The following GALNTL6 variants were observed in gnomAD, a reference collection of about 807,000 sequenced individuals.
GALNTL6 encodes the protein polypeptide N-acetylgalactosaminyltransferase like 6.
Under a neutral mutation model 73.7 loss-of-function variants are expected in GALNTL6, and 46 were observed. The ratio of observed to expected loss-of-function variants is 0.62; its 90% CI spans 0.49 to 0.80. The LOEUF (loss-of-function observed/expected upper bound fraction) is 0.80. GALNTL6 is among the 30% of genes least tolerant of loss of function. The probability of loss-of-function intolerance (pLI) is 0.00; values close to 1 mark genes in which losing one functional copy is unlikely to be tolerated. For missense variants in GALNTL6, 604 were observed against 755.0 expected, an observed-to-expected ratio of 0.80 and a Z score of 2.34; for synonymous variants, 259 against 263.7, an observed-to-expected ratio of 0.98 and a Z score of 0.17.
At chr4:172,239,445 T>C (rs930060494) in intron 3 of GALNTL6, among the ~76,000 whole-genome samples, 1 of 152,200 alleles carries the variant, frequency 6.6e-6, no homozygotes, top group Admixed American at 6.5e-5. Context: ...TAATGTCAGC[T>C]TTGTCATTTC....
chr4:172,887,644 A>G (rs969695549), intron 8 of GALNTL6, among the ~76,000 whole-genome samples: 1 of 151,454 alleles, frequency 6.6e-6, no homozygotes, highest in Non-Finnish European at 1.5e-5. Context: ...GCTCACTGCA[A>G]TCTCCGCCTC....
chr4:173,017,763 G>T (rs1347425648), intron 11 of GALNTL6, among the ~76,000 whole-genome samples: 2 of 152,140 alleles, frequency 1.3e-5, no homozygotes, highest in African/African-American at 4.8e-5. Flanking sequence ...ACTACAATAC[G>T]CAGAAACAAG....
intron 5 of GALNTL6, among the ~76,000 whole-genome samples, chr4:172,652,801 C>T (rs2111155885): frequency 6.6e-6 from 1 of 152,290 alleles, no homozygotes; most frequent in Admixed American, 6.5e-5. Flanking sequence ...CAATACTTCT[C>T]AATTTGATTC....
intron 12 of GALNTL6, among the ~76,000 whole-genome samples, chr4:173,027,554 T>C (rs1753284165): frequency 2.6e-5 from 4 of 152,206 alleles, no homozygotes; most frequent in Admixed American, 2.0e-4. Context: ...ATAAACTAAA[T>C]TAATCTAATA....
At chr4:172,378,017 A>G (rs918292284) in intron 5 of GALNTL6, among the ~76,000 whole-genome samples, 1 of 151,982 alleles carries the variant, frequency 6.6e-6, no homozygotes, top group Non-Finnish European at 1.5e-5. Context: ...AGGGCTCCTC[A>G]AGCATGGCCA....
intron 2 of GALNTL6, among the ~76,000 whole-genome samples, chr4:171,904,770 A>T (rs2110949800): frequency 6.6e-6 from 1 of 152,366 alleles, no homozygotes; most frequent in East Asian, 1.9e-4. Context: ...CTCAAAGGGA[A>T]GCCCATCAGA....
chr4:171,932,086 G>A (rs1738202660), intron 2 of GALNTL6, among the ~76,000 whole-genome samples: 1 of 152,042 alleles, frequency 6.6e-6, no homozygotes, highest in Non-Finnish European at 1.5e-5. Context: ...TATTTAATGG[G>A]GGCTGCTTCC....
chr4:172,411,466 C>T (rs191902119), intron 5 of GALNTL6, among the ~76,000 whole-genome samples: 54 of 152,140 alleles, frequency 3.5e-4, no homozygotes, highest in African/African-American at 1.1e-3. Context: ...TTTATTTGTC[C>T]TTGAGTAATG....
intron 5 of GALNTL6, among the ~76,000 whole-genome samples, chr4:172,770,260 C>G (rs370501241): frequency 2.6e-5 from 2 of 77,982 alleles, no homozygotes; most frequent in Non-Finnish European, 5.6e-5. Context: ...AGCAGGACTC[C>G]ATCTCAATAA....
chr4:172,078,215 TG>T (rs901848733), intron 2 of GALNTL6, among the ~76,000 whole-genome samples: 1 of 152,232 alleles, frequency 6.6e-6, no homozygotes, highest in Admixed American at 6.5e-5. Flanking sequence ...GATTGGAACA[TG>T]GGGGCAGATT....
At chr4:173,001,171 T>C (rs183273349) in intron 10 of GALNTL6, among the ~76,000 whole-genome samples, 1 of 152,180 alleles carries the variant, frequency 6.6e-6, no homozygotes, top group Non-Finnish European at 1.5e-5. Flanking sequence ...TATTATGTAC[T>C]CTCTTTCACA....
intron 5 of GALNTL6, among the ~76,000 whole-genome samples, chr4:172,541,495 A>C (rs2110874539): frequency 6.6e-6 from 1 of 152,336 alleles, no homozygotes; most frequent in African/African-American, 2.4e-5. Context: ...AGAGTGAGAG[A>C]TCACGGCAAG....
At chr4:172,630,124 T>C (rs1739332202) in intron 5 of GALNTL6, among the ~76,000 whole-genome samples, 1 of 152,198 alleles carries the variant, frequency 6.6e-6, no homozygotes, top group Non-Finnish European at 1.5e-5. Context: ...TTTTTCAATC[T>C]GCAAATATCC....
intron 2 of GALNTL6, among the ~76,000 whole-genome samples, chr4:172,118,460 G>C (rs1197654771): frequency 6.6e-6 from 1 of 152,162 alleles, no homozygotes; most frequent in African/African-American, 2.4e-5. Flanking sequence ...AGCATTTGGG[G>C]AGGCCAAGGC....
chr4:172,032,738 A>G (rs936163915), intron 2 of GALNTL6, among the ~76,000 whole-genome samples: 2 of 152,032 alleles, frequency 1.3e-5, no homozygotes, highest in Non-Finnish European at 2.9e-5. Context: ...GTTGCATTAG[A>G]ATGTTTTTTT....
At chr4:172,378,606 T>A (rs72988229) in intron 5 of GALNTL6, among the ~76,000 whole-genome samples, 3,761 of 152,220 alleles carry the variant, frequency 0.025, 155 homozygotes, top group African/African-American at 0.082. Flanking sequence ...TAAAAAAAAT[T>A]GATATATATT....
chr4:172,352,036 C>T (rs1047785579), intron 5 of GALNTL6, among the ~76,000 whole-genome samples: 2 of 152,070 alleles, frequency 1.3e-5, no homozygotes, highest in Admixed American at 1.3e-4. Flanking sequence ...TTAGCATGAG[C>T]CACTTGCTGA....
chr4:172,927,355 A>G (rs539613527), intron 8 of GALNTL6, among the ~76,000 whole-genome samples: 132 of 152,352 alleles, frequency 8.7e-4, no homozygotes, highest in African/African-American at 3.1e-3. Context: ...TGTATCCCGT[A>G]CAATAGAATA....
chr4:171,877,617 T>C (rs1343282898), intron 2 of GALNTL6, among the ~76,000 whole-genome samples: 1 of 151,868 alleles, frequency 6.6e-6, no homozygotes, highest in African/African-American at 2.4e-5. Flanking sequence ...AATTACCTAA[T>C]GTATCACTCA....
Sources: allele counts gnomAD v4.1 joint callset (sites outside exome capture counted in the v4.1 genomes callset), GRCh38; gene constraint gnomAD v4.1.1; transcripts MANE v1.5; gene names NCBI Gene and HGNC (gene_info 2026-07-23, HGNC 2026-07-21).